The following CA10 variants were observed in gnomAD, a reference collection of about 807,000 sequenced individuals.
The protein encoded by CA10 is carbonic anhydrase-related protein 10.
A neutral mutation model predicts 44.2 loss-of-function variants in CA10; 14 were observed. The ratio of observed to expected loss-of-function variants is 0.32; its 90% CI spans 0.21 to 0.50. The LOEUF (loss-of-function observed/expected upper bound fraction) is 0.50. CA10 is among the 20% of genes least tolerant of loss of function. The pLI is 0.99. For missense variants in CA10, 350 were observed against 409.7 expected (o/e 0.85, Z 1.26); for synonymous variants, 159 against 141.6 (o/e 1.12, Z -0.87).
intron 3 of CA10, among the ~76,000 whole-genome samples, chr17:51,775,691 C>T (rs569996392): frequency 3.0e-4 from 46 of 152,166 alleles, no homozygotes; most frequent in African/African-American, 1.1e-3. Flanking sequence ...AGCAAAGAAG[C>T]GTGGGATGCT....
Position 52,157,721 on chromosome 17 carries a change from C to G in CA10, c.61+5G>C, listed in dbSNP as rs751392227. On this transcript the variant is annotated splice_donor_5th_base_variant and intron_variant, in intron 1 of 8. Transcript: ENST00000451037. ...ATCAGCCAGTGACTTCGGCGCGTCC[C>G]GTACCTGATATGCAGACGATGAAAT... 9 of 1,613,490 alleles carry G rather than the reference C, an allele frequency of 5.6e-6. No homozygotes were observed. Among genetic ancestry groups the G allele is most frequent in the East Asian group, 4.5e-5 (2 of 44,882 alleles).
chr17:51,862,438 G>GAAGGT (rs1979352908), intron 3 of CA10, among the ~76,000 whole-genome samples: 1 of 141,836 alleles, frequency 7.1e-6, no homozygotes, highest in African/African-American at 2.6e-5. Flanking sequence ...TTTTTTTTTT[G>GAAGGT]GCTTCAACCT....
intron 1 of CA10, among the ~76,000 whole-genome samples, chr17:52,157,487 C>G (rs537784982): frequency 6.7e-6 from 1 of 148,472 alleles, no homozygotes; most frequent in Non-Finnish European, 1.5e-5. Context: ...TCCCCCACCA[C>G]TTTTTCCTTC....
chr17:51,814,209 T>G lies in CA10; in HGVS notation c.280-66391A>C, dbSNP rs144965401. The stretch of plus-strand genomic sequence containing the variant: ...GCAAAATTTTATTAGTATTAAATTA[T>G]TAATAAATATGCATTAATAATGACC... On this transcript the variant is annotated intron_variant, in intron 3 of 8. Transcript: ENST00000451037. Among the ~76,000 whole-genome samples the G allele has an allele frequency of 1.6e-4, 24 of 152,338 alleles. No homozygotes were observed. In the East Asian group the frequency reaches 4.2e-3, roughly 27 times the overall value.
chr17:51,942,028 C>G (rs2144017610), intron 2 of CA10, among the ~76,000 whole-genome samples: 1 of 152,154 alleles, frequency 6.6e-6, no homozygotes, highest in South Asian at 2.1e-4. Context: ...AATTGCAAAC[C>G]CTACCACATA....
intron 2 of CA10, among the ~76,000 whole-genome samples, chr17:52,036,095 C>T (rs150122264): frequency 1.3e-4 from 20 of 152,272 alleles, no homozygotes; most frequent in Non-Finnish European, 2.6e-4. Flanking sequence ...GCATTTCCCA[C>T]GAGTTCCCAG....
chr17:51,875,482 C>T (rs1422757243), intron 3 of CA10, among the ~76,000 whole-genome samples: 2 of 152,196 alleles, frequency 1.3e-5, no homozygotes, highest in African/African-American at 4.8e-5. Context: ...CTGTTTACAG[C>T]TCACAGTCCT....
At chr17:51,721,224 G>A (rs1054862789) in intron 4 of CA10, among the ~76,000 whole-genome samples, 1 of 152,038 alleles carries the variant, frequency 6.6e-6, no homozygotes, top group Non-Finnish European at 1.5e-5. Flanking sequence ...CCCAGCTACT[G>A]GGGAGGCTGA....
At chr17:51,793,047 C>T (rs1264221816) in intron 3 of CA10, among the ~76,000 whole-genome samples, 1 of 152,118 alleles carries the variant, frequency 6.6e-6, no homozygotes, top group Non-Finnish European at 1.5e-5. Context: ...TGGTGAGGTC[C>T]ATGGAGAAAA....
chr17:52,025,451 A>C (rs1820852680), intron 2 of CA10, among the ~76,000 whole-genome samples: 1 of 151,888 alleles, frequency 6.6e-6, no homozygotes, highest in African/African-American at 2.4e-5. Context: ...GAAACAGCAC[A>C]TACTTCAGAA....
At chr17:51,729,602 T>G (rs750050791) in intron 4 of CA10, among the ~76,000 whole-genome samples, 17 of 152,204 alleles carry the variant, frequency 1.1e-4, no homozygotes, top group Non-Finnish European at 2.1e-4. Context: ...TGACAAGCAA[T>G]CAATTCCTTT....
At chr17:52,030,931 G>C (rs998156648) in intron 2 of CA10, among the ~76,000 whole-genome samples, 7 of 152,086 alleles carry the variant, frequency 4.6e-5, no homozygotes, top group African/African-American at 9.7e-5. Context: ...CTTGGACTGA[G>C]CCACACTACT....
At chr17:51,761,404 G>A (rs1161276147) in intron 3 of CA10, 5 of 152,160 alleles carry the variant, frequency 3.3e-5, no homozygotes, top group African/African-American at 1.2e-4. Context: ...AATACATAAT[G>A]TGTCCCATTA....
intron 2 of CA10, among the ~76,000 whole-genome samples, chr17:51,931,632 T>C (rs536438324): frequency 6.6e-6 from 1 of 152,274 alleles, no homozygotes; most frequent in East Asian, 1.9e-4. Context: ...TGACTTATTT[T>C]ATGAGCCCCC....
intron 3 of CA10, among the ~76,000 whole-genome samples, chr17:51,908,263 A>G (rs1981645401): frequency 6.6e-6 from 1 of 152,152 alleles, no homozygotes. Flanking sequence ...ACAAATGGTG[A>G]CCCTGGGAGA....
intron 2 of CA10, among the ~76,000 whole-genome samples, chr17:52,012,917 G>C (rs1465532970): frequency 6.6e-6 from 1 of 151,936 alleles, no homozygotes; most frequent in Non-Finnish European, 1.5e-5. Flanking sequence ...CTCTGCTGTA[G>C]ATAGGGAGTT....
intron 1 of CA10, among the ~76,000 whole-genome samples, chr17:52,116,228 AC>A (rs962611875): frequency 6.6e-6 from 1 of 152,146 alleles, no homozygotes; most frequent in Non-Finnish European, 1.5e-5. Flanking sequence ...TCAGGAGTTA[AC>A]TTTTGTGTGA....
rs115094864 is a variant in CA10, at chr17:51,813,567, T to C, written c.280-65749A>G. Among the ~76,000 whole-genome samples the C allele has an allele frequency of 4.9e-3, 749 of 152,304 alleles. 2 individuals are homozygous for C. Among genetic ancestry groups the C allele is most frequent in the African/African-American group, 0.017 (709 of 41,574 alleles). Reference sequence around the variant, plus strand: ...AGGTCAGTGTTATTTTCCATGGTTGTTTGCATGTTTCACCTGAAGGTCTAG... The same window carrying C: ...AGGTCAGTGTTATTTTCCATGGTTGCTTGCATGTTTCACCTGAAGGTCTAG... On this transcript the variant is annotated intron_variant, in intron 3 of 8. Transcript: ENST00000451037.
At chr17:51,782,079 T>A (rs545962490) in intron 3 of CA10, among the ~76,000 whole-genome samples, 1 of 152,314 alleles carries the variant, frequency 6.6e-6, no homozygotes, top group South Asian at 2.1e-4. Flanking sequence ...AATCAGACTG[T>A]TTGCTGAATA....
Sources: gnomAD v4.1 joint callset for allele counts (sites outside exome capture counted in the v4.1 genomes callset) on GRCh38, gnomAD v4.1.1 for gene constraint, MANE v1.5 for transcripts, NCBI Gene and HGNC (gene_info 2026-07-23, HGNC 2026-07-21) for gene names.